SWT1: variants seen among roughly 807,000 people sequenced by gnomAD.
SWT1 encodes SWT1 RNA endoribonuclease homolog.
In SWT1, 33 loss-of-function variants were observed where a neutral mutation model predicts 107.3. The ratio of observed to expected loss-of-function variants is 0.31; its 90% CI spans 0.23 to 0.41. The LOEUF (loss-of-function observed/expected upper bound fraction) is 0.41. Ranked by LOEUF, SWT1 falls within the 10% of genes least tolerant of loss-of-function variation. The pLI is 1.00. For synonymous variants in SWT1, 345 were observed against 348.3 expected (o/e 0.99, Z 0.11); for missense variants, 898 against 1,028.9 (o/e 0.87, Z 1.74).
At chr1:185,264,560 A>G in intron 16 of SWT1, 1 of 552,526 alleles carries the variant, frequency 1.8e-6, no homozygotes, top group Non-Finnish European at 2.3e-6. Context: ...AACTCATTTA[A>G]TCATCTTAAT....
intron 3 of SWT1, 34 bp from the exon 4 acceptor site, chr1:185,168,306 C>A: frequency 1.1e-6 from 1 of 899,820 alleles, no homozygotes; most frequent in Non-Finnish European, 1.5e-6. Flanking sequence ...TGTACCAGTG[C>A]ACAATTTATG....
intron 16 of SWT1, among the ~76,000 whole-genome samples, chr1:185,261,805 G>A (rs1408009649): frequency 1.3e-5 from 2 of 151,906 alleles, no homozygotes; most frequent in African/African-American, 4.8e-5. Context: ...AATTAAATGT[G>A]TATAATAAAA....
At chr1:185,286,084 GGTT>G (rs1204881852) in intron 18 of SWT1, among the ~76,000 whole-genome samples, 1 of 152,194 alleles carries the variant, frequency 6.6e-6, no homozygotes, top group African/African-American at 2.4e-5. Context: ...CTACAAAAAA[GGTT>G]GTTGGGATTT....
chr1:185,236,621 A>G (rs938167581), intron 16 of SWT1, among the ~76,000 whole-genome samples: 6 of 152,228 alleles, frequency 3.9e-5, no homozygotes, highest in African/African-American at 1.4e-4. Flanking sequence ...AAACTTTAGA[A>G]GAAAACCTAG....
At chr1:185,269,278 T>C (rs1361893342) in intron 16 of SWT1, among the ~76,000 whole-genome samples, 2 of 152,148 alleles carry the variant, frequency 1.3e-5, no homozygotes, top group African/African-American at 4.8e-5. Flanking sequence ...TATGTATGGA[T>C]CCTTCTCCAT....
intron 16 of SWT1, among the ~76,000 whole-genome samples, chr1:185,259,114 C>A (rs552206586): frequency 1.3e-5 from 2 of 152,168 alleles, no homozygotes; most frequent in Admixed American, 1.3e-4. Flanking sequence ...CTTTATGTTA[C>A]TTTAAAATAA....
rs114527627 is a variant in SWT1 at position 185,194,423 on chromosome 1, C to G, written c.1523+3781C>G. 7.1e-3 allele frequency among the ~76,000 whole-genome samples: 1,075 copies of G among 151,584 alleles called. 11 individuals carry two copies. The highest frequency in any genetic ancestry group is 0.024 in the African/African-American group (1,010 of 41,342). On this transcript the variant is annotated intron_variant, in intron 10 of 18. Coordinates refer to ENST00000367500, the MANE Select transcript of SWT1 (RefSeq NM_017673.7). ...TGTCCCCATTATTTACTTATTTATA[C>G]TTTTTTGAAAAAAACTTCTTATGGT...
chr1:185,220,030 A>G, intron 14 of SWT1, among the ~76,000 whole-genome samples: 1 of 150,618 alleles, frequency 6.6e-6, no homozygotes, highest in Non-Finnish European at 1.5e-5. Context: ...CGCTGGTCCC[A>G]GCTACTGGGG....
chr1:185,208,726 G>A lies in SWT1; in HGVS notation c.1972+1963G>A, dbSNP rs138725622. Among the ~76,000 whole-genome samples, 263 of 148,646 alleles carry A rather than the reference G, an allele frequency of 1.8e-3. 3 individuals carry two copies. The highest frequency in any genetic ancestry group is 3.4e-3 in the Middle Eastern group (1 of 292). The stretch of plus-strand genomic sequence containing the variant: ...ATTTCCTTATGTCTCATCCATGTTA[G>A]ATGTTCGATGAATATCTTTTTTTTT... On this transcript the variant is annotated intron_variant, in intron 13 of 18. Transcript: ENST00000367500.
At chr1:185,206,352 G>A (rs778680833) in intron 12 of SWT1, among the ~76,000 whole-genome samples, 2 of 152,138 alleles carry the variant, frequency 1.3e-5, no homozygotes, top group Non-Finnish European at 2.9e-5. Context: ...GACCTTAGCT[G>A]ATAAAACTAT....
intron 9 of SWT1, among the ~76,000 whole-genome samples, chr1:185,188,905 G>A (rs1342047226): frequency 1.3e-5 from 2 of 152,128 alleles, no homozygotes; most frequent in Non-Finnish European, 2.9e-5. Context: ...GGAGTTCTCA[G>A]GTAGGTAGTT....
intron 10 of SWT1, among the ~76,000 whole-genome samples, chr1:185,199,082 C>T (rs1657650413): frequency 6.6e-6 from 1 of 151,878 alleles, no homozygotes; most frequent in African/African-American, 2.4e-5. Context: ...GGATTACAGG[C>T]ACACACCACC....
chr1:185,164,510 A>G (rs925758278), intron 2 of SWT1, among the ~76,000 whole-genome samples: 3 of 152,214 alleles, frequency 2.0e-5, no homozygotes, highest in African/African-American at 7.2e-5. Context: ...TGTTTAGTGT[A>G]GCAACCACCT....
At chr1:185,231,520 T>C (rs1034185880) in intron 15 of SWT1, 57 bp from the exon 16 acceptor site, 21 of 1,272,612 alleles carry the variant, frequency 1.7e-5, no homozygotes, top group Non-Finnish European at 2.2e-5. Flanking sequence ...CTGAAATACT[T>C]GAATTACATT....
intron 10 of SWT1, among the ~76,000 whole-genome samples, chr1:185,197,120 A>G (rs892967485): frequency 3.3e-5 from 5 of 152,180 alleles, no homozygotes; most frequent in East Asian, 1.9e-4. Flanking sequence ...ATTTTGAGAT[A>G]CATTCCATCT....
chr1:185,210,775 G>T (rs1160718358), intron 13 of SWT1, among the ~76,000 whole-genome samples: 2 of 152,074 alleles, frequency 1.3e-5, no homozygotes, highest in Non-Finnish European at 2.9e-5. Flanking sequence ...TGCAGATGAC[G>T]TGATCGATAT....
In SWT1 at chr1:185,204,771, A is replaced by C; in HGVS notation, c.1741A>C (p.Ile581Leu). 6.3e-7 allele frequency: 1 copy of C among 1,597,558 alleles called. No homozygotes were observed. Among genetic ancestry groups the C allele is most frequent in the Non-Finnish European group, 8.5e-7 (1 of 1,171,630 alleles). The change falls in exon 12 of 19, where the codon ATT becomes CTT. Residue 581 changes from isoleucine (I) to leucine (L), a missense_variant. Ile to Leu is a conservative substitution (Grantham distance 5, BLOSUM62 2). Transcript: ENST00000367500. ...NSGLSILLES[I>L]VSDLEKSLGT... ...TGGACTGTCCATTCTGCTTGAGAGC[A>C]TTGTATCTGATCTTGAAAAATCTCT...
At chr1:185,235,987 C>G (rs756468556) in intron 16 of SWT1, among the ~76,000 whole-genome samples, 1 of 152,140 alleles carries the variant, frequency 6.6e-6, no homozygotes, top group African/African-American at 2.4e-5. Context: ...ACAACTTTTA[C>G]AAGGGATTTG....
chr1:185,259,644 CT>C (rs1182806857), intron 16 of SWT1, among the ~76,000 whole-genome samples: 2 of 152,060 alleles, frequency 1.3e-5, no homozygotes, highest in African/African-American at 2.4e-5. Context: ...TCAAAGTTTT[CT>C]TGCTGACTCC....
Sources: gnomAD v4.1 joint callset for allele counts (sites outside exome capture counted in the v4.1 genomes callset) on GRCh38, gnomAD v4.1.1 for gene constraint, MANE v1.5 for transcripts, NCBI Gene and HGNC (gene_info 2026-07-23, HGNC 2026-07-21) for gene names.